Variants in TDRD3 observed in about 807,000 individuals in gnomAD.
The protein encoded by TDRD3 is tudor domain-containing protein 3.
A neutral mutation model predicts 86.7 loss-of-function variants in TDRD3; 45 were observed. That is an observed-to-expected ratio of 0.52 (90% CI 0.41 to 0.67). TDRD3 has a LOEUF of 0.67. TDRD3 is among the 30% of genes least tolerant of loss of function. The pLI is 0.00. For synonymous variants in TDRD3, 298 were observed against 301.7 expected, an observed-to-expected ratio of 0.99 and a Z score of 0.13; for missense variants, 814 against 889.0, an observed-to-expected ratio of 0.92 and a Z score of 1.07.
intron 7 of TDRD3, among the ~76,000 whole-genome samples, chr13:60,493,210 G>A (rs902457825): frequency 6.6e-6 from 1 of 151,578 alleles, no homozygotes; most frequent in African/African-American, 2.4e-5. Flanking sequence ...GAGCCACCGC[G>A]CCCGGCCTCA....
intron 12 of TDRD3, among the ~76,000 whole-genome samples, chr13:60,544,204 T>A (rs748226361): frequency 2.0e-5 from 3 of 151,782 alleles, no homozygotes; most frequent in Non-Finnish European, 4.4e-5. Flanking sequence ...ATCCCAACAC[T>A]TTGGGAGGCC....
intron 8 of TDRD3, among the ~76,000 whole-genome samples, chr13:60,495,739 A>G (rs1186269292): frequency 6.6e-6 from 1 of 152,120 alleles, no homozygotes; most frequent in Non-Finnish European, 1.5e-5. Context: ...AGGTGCTGGG[A>G]TTACAGGCGT....
At chr13:60,443,177 C>T (rs1425191040) in intron 2 of TDRD3, among the ~76,000 whole-genome samples, 1 of 151,926 alleles carries the variant, frequency 6.6e-6, no homozygotes, top group Non-Finnish European at 1.5e-5. Context: ...TGAGTGCTTA[C>T]TCTGTGCAAG....
At chr13:60,475,785 A>G (rs1339735529) in intron 5 of TDRD3, among the ~76,000 whole-genome samples, 1 of 152,162 alleles carries the variant, frequency 6.6e-6, no homozygotes, top group African/African-American at 2.4e-5. Flanking sequence ...CATTTCTCTA[A>G]TGATTAGTGA....
Position 60,439,734 on chromosome 13 carries a change from A to G in TDRD3, c.88A>G (p.Lys30Glu). The G allele has an allele frequency of 6.5e-7, 1 of 1,545,556 alleles. No individual in the cohort carries two copies. Among genetic ancestry groups the G allele is most frequent in the African/African-American group, 1.4e-5 (1 of 72,912 alleles). Residue 30 changes from lysine (K) to glutamate (E), a missense_variant, in exon 2 of 14, where the codon AAA becomes GAA. Physicochemically the swap from Lys to Glu is moderately conservative, Grantham distance 56. Transcript: ENST00000377881. ...TGAAGCTTGCACAAGCTCTCCAGAC[A>G]AAGTCAATGTAAATGACATCATCCT... ...GIEACTSSPD[K>E]VNVNDIILIA...
At chr13:60,517,567 C>G (rs2137702999) in intron 10 of TDRD3, among the ~76,000 whole-genome samples, 1 of 152,330 alleles carries the variant, frequency 6.6e-6, no homozygotes, top group Non-Finnish European at 1.5e-5. Flanking sequence ...AAATGTGTAG[C>G]TATCTACCCA....
chr13:60,535,454 T>C (rs535136431), intron 12 of TDRD3: 41 of 374,346 alleles, frequency 1.1e-4, no homozygotes, highest in Non-Finnish European at 1.6e-4. Flanking sequence ...TGTTTTGTTG[T>C]ATTATGCTTT....
intron 1 of TDRD3, among the ~76,000 whole-genome samples, chr13:60,439,068 T>G (rs899692194): frequency 1.5e-4 from 23 of 152,090 alleles, no homozygotes; most frequent in African/African-American, 5.3e-4. Context: ...CATGGCTGAT[T>G]TGGACTGGAT....
At chr13:60,430,950 C>G (rs941232678) in intron 1 of TDRD3, among the ~76,000 whole-genome samples, 2 of 151,898 alleles carry the variant, frequency 1.3e-5, no homozygotes, top group African/African-American at 4.8e-5. Flanking sequence ...TGTAACTATT[C>G]TACAGCAAAA....
At chr13:60,421,175 C>G (rs1461159705) in intron 1 of TDRD3, among the ~76,000 whole-genome samples, 1 of 150,456 alleles carries the variant, frequency 6.6e-6, no homozygotes, top group Admixed American at 6.7e-5. Flanking sequence ...GAAGAAATAC[C>G]CGAGACTGGG....
At chr13:60,449,161 G>C (rs1004952733) in intron 3 of TDRD3, among the ~76,000 whole-genome samples, 1 of 151,890 alleles carries the variant, frequency 6.6e-6, no homozygotes, top group Non-Finnish European at 1.5e-5. Flanking sequence ...TCTAGAAATC[G>C]GATGTTTTTA....
chr13:60,566,546 A>G (rs1006955134), intron 12 of TDRD3, among the ~76,000 whole-genome samples: 2 of 152,194 alleles, frequency 1.3e-5, no homozygotes, highest in African/African-American at 4.8e-5. Flanking sequence ...ATTAATTTCC[A>G]AAGTAATGCA....
chr13:60,476,076 A>G (rs1382411693), intron 5 of TDRD3, among the ~76,000 whole-genome samples: 1 of 151,958 alleles, frequency 6.6e-6, no homozygotes, highest in Non-Finnish European at 1.5e-5. Context: ...GTTTTTTGTT[A>G]CAGTTGCTCT....
chr13:60,415,284 A>G (rs932408130), intron 1 of TDRD3, among the ~76,000 whole-genome samples: 1 of 151,792 alleles, frequency 6.6e-6, no homozygotes, highest in African/African-American at 2.4e-5. Context: ...TACCAATTCC[A>G]CTCTGTGGAC....
intron 3 of TDRD3, 73 bp downstream of exon 3, chr13:60,444,821 C>T: frequency 1.1e-6 from 1 of 932,518 alleles, no homozygotes; most frequent in Non-Finnish European, 1.5e-6. Context: ...ACTGGAATTA[C>T]TTTTTGTCAA....
intron 8 of TDRD3, among the ~76,000 whole-genome samples, chr13:60,504,234 T>C (rs1956890258): frequency 6.6e-6 from 1 of 152,250 alleles, no homozygotes; most frequent in East Asian, 1.9e-4. Flanking sequence ...AGTTACTGTT[T>C]TTATACACCT....
At chr13:60,480,373 G>A (rs1397980798) in intron 5 of TDRD3, among the ~76,000 whole-genome samples, 2 of 152,176 alleles carry the variant, frequency 1.3e-5, no homozygotes, top group African/African-American at 4.8e-5. Flanking sequence ...TGTTAGCTGA[G>A]TGGGATTCTT....
At chr13:60,397,451 G>A (rs979489824) in intron 1 of TDRD3, 46 bp downstream of exon 1, 8 of 1,461,648 alleles carry the variant, frequency 5.5e-6, no homozygotes, top group Non-Finnish European at 7.2e-6. Flanking sequence ...GTGCGGGCCG[G>A]GGCCCCAGGG....
chr13:60,421,525 G>A lies in TDRD3; in HGVS notation c.42-18163G>A, dbSNP rs1408211871. 5.9e-5 allele frequency among the ~76,000 whole-genome samples: 9 copies of A among 152,144 alleles called. No homozygotes were observed. The East Asian group carries it at 1.7e-3, about 29-fold the overall frequency. On this transcript the variant is annotated intron_variant, in intron 1 of 13. Transcript: ENST00000377881. The stretch of plus-strand genomic sequence containing the variant: ...CACATACGAATTTTAACATCAGTTT[G>A]TCTATTTGCTGAAGAAAATCCTACT...
Sources: gnomAD v4.1 joint callset for allele counts (sites outside exome capture counted in the v4.1 genomes callset) on GRCh38, gnomAD v4.1.1 for gene constraint, MANE v1.5 for transcripts, NCBI Gene and HGNC (gene_info 2026-07-23, HGNC 2026-07-21) for gene names.